The following MAPK14 variants were observed in gnomAD, a reference collection of about 807,000 sequenced individuals.
The protein encoded by MAPK14 is CSAID-binding protein.
In MAPK14, 16 loss-of-function variants were observed where a neutral mutation model predicts 49.6. The observed-to-expected ratio is 0.32, with a 90% CI of 0.22 to 0.49. The LOEUF (loss-of-function observed/expected upper bound fraction) is 0.49, where lower values mean the gene tolerates loss of function less well. Among genes scored for constraint, MAPK14 ranks in the 20% least tolerant of loss-of-function variants. The pLI, the probability that MAPK14 is intolerant of heterozygous loss-of-function variation, is 0.99. For synonymous variants in MAPK14, 142 were observed against 158.0 expected, an observed-to-expected ratio of 0.90 and a Z score of 0.76; for missense variants, 200 against 441.2, an observed-to-expected ratio of 0.45 and a Z score of 4.90.
At chr6:36,082,188 TC>T (rs1307289101) in intron 8 of MAPK14, among the ~76,000 whole-genome samples, 1 of 152,248 alleles carries the variant, frequency 6.6e-6, no homozygotes, top group Non-Finnish European at 1.5e-5. Context: ...TTTTATTTCT[TC>T]CTTTCCAATT....
intron 8 of MAPK14, among the ~76,000 whole-genome samples, chr6:36,094,432 A>C (rs1347657359): frequency 6.6e-6 from 1 of 152,174 alleles, no homozygotes; most frequent in Non-Finnish European, 1.5e-5. Flanking sequence ...TTCTAATAAA[A>C]CTTTATATAT....
At chr6:36,037,057 A>C (rs1482471597) in intron 1 of MAPK14, among the ~76,000 whole-genome samples, 1 of 152,154 alleles carries the variant, frequency 6.6e-6, no homozygotes, top group Admixed American at 6.5e-5. Context: ...AATATTTTTA[A>C]ATTAAGGTAT....
At chr6:36,111,503 A>T (rs895332094), downstream of MAPK14, among the ~76,000 whole-genome samples, 3 of 152,184 alleles carry the variant, frequency 2.0e-5, no homozygotes, top group African/African-American at 7.2e-5. Flanking sequence ...TTTGGTTTGT[A>T]TATATAGGTG....
At chr6:36,118,081 G>A in the MAPK14 span, among the ~76,000 whole-genome samples, 1 of 152,218 alleles carries the variant, frequency 6.6e-6, no homozygotes, top group Admixed American at 6.5e-5. Context: ...TCTCTTTGCT[G>A]TGTCTTGCTG....
the MAPK14 span, among the ~76,000 whole-genome samples, chr6:36,121,067 C>T: frequency 2.0e-5 from 3 of 152,062 alleles, no homozygotes; most frequent in Admixed American, 6.5e-5. Flanking sequence ...CCCCACCCCC[C>T]CTCCTTGGCA....
intron 10 of MAPK14, 68 bp downstream of exon 10, chr6:36,102,717 G>A (rs1275621932): frequency 6.2e-7 from 1 of 1,602,144 alleles, no homozygotes; most frequent in Non-Finnish European, 8.5e-7. Flanking sequence ...GGGATTTGAA[G>A]AAGAGTTTCT....
intron 8 of MAPK14, among the ~76,000 whole-genome samples, chr6:36,089,215 A>G (rs1215824649): frequency 6.6e-6 from 1 of 152,194 alleles, no homozygotes; most frequent in Non-Finnish European, 1.5e-5. Flanking sequence ...ATGGAATACT[A>G]TACACCCATA....
chr6:36,095,923 T>C (rs1765427059), intron 8 of MAPK14, 64 bp from the exon 9 acceptor site: 1 of 1,029,950 alleles, frequency 9.7e-7, no homozygotes, highest in East Asian at 2.4e-5. Context: ...TTTTGTTTTG[T>C]TTGTCATTGT....
chr6:36,061,596 C>T (rs1313094687), intron 3 of MAPK14, among the ~76,000 whole-genome samples: 1 of 152,210 alleles, frequency 6.6e-6, no homozygotes, highest in Non-Finnish European at 1.5e-5. Flanking sequence ...GGAAGCAAAT[C>T]TCATTACTAC....
intron 3 of MAPK14, among the ~76,000 whole-genome samples, chr6:36,069,391 A>G (rs978267689): frequency 1.3e-5 from 2 of 152,122 alleles, no homozygotes; most frequent in Non-Finnish European, 1.5e-5. Flanking sequence ...AAATCTTTCT[A>G]TATGGGAGTT....
chr6:36,073,921 T>C, intron 5 of MAPK14, 128 bp from the exon 6 acceptor site: 1 of 877,568 alleles, frequency 1.1e-6, no homozygotes, highest in South Asian at 1.5e-5. Context: ...ATATTGACTG[T>C]AGGATGGAGA....
intron 8 of MAPK14, chr6:36,076,973 G>T (rs1764555495): frequency 6.1e-6 from 1 of 164,316 alleles, no homozygotes; most frequent in Non-Finnish European, 1.3e-5. Flanking sequence ...AGCACAAGAT[G>T]CCCATTTATA....
At position 36,033,727 on chromosome 6, in the gene MAPK14, G is replaced by A. The variant is rs74885352; in HGVS notation, c.116+5454G>A. Among the ~76,000 whole-genome samples the A allele has an allele frequency of 5.9e-5, 9 of 152,314 alleles. No individual in the cohort carries two copies. The East Asian group carries it at 1.3e-3, about 23-fold the overall frequency. ...CTGCTTTTGATTTCTTTCTAGCCCA[G>A]TCTCAGAGATGATGTGTTGACTTTG... is the stretch of plus-strand genomic sequence containing the variant. On this transcript the variant is annotated intron_variant, in intron 1 of 11. Transcript: ENST00000229794.
In MAPK14 at chr6:36,107,496, A is replaced by G; in HGVS notation, c.883A>G (p.Lys295Glu). 1 of 1,589,250 alleles carries G rather than the reference A, an allele frequency of 6.3e-7. No individual in the cohort carries two copies. The highest frequency in any genetic ancestry group is 8.6e-7 in the Non-Finnish European group (1 of 1,168,408). The change falls in exon 11 of 12, where the codon AAG (lysine) becomes GAG (glutamate). Residue 295 changes from lysine to glutamate, a missense_variant. Physicochemically the swap from Lys to Glu is moderately conservative, Grantham distance 56. Coordinates refer to ENST00000229794, the MANE Select transcript of MAPK14 (RefSeq NM_139012.3). This position sits in a 1 kb window ranked among gnomAD's most constrained non-coding sequence, Gnocchi z 4.3. ...GAAGATGCTTGTATTGGACTCAGAT[A>G]AGAGAATTACAGCGGCCCAAGCCCT... ...LEKMLVLDSD[K>E]RITAAQALAH...
In MAPK14 at chr6:36,073,117, A is replaced by G. The variant is rs895164618; in HGVS notation, c.417+133A>G. On this transcript the variant is annotated intron_variant, in intron 4 of 11. Coordinates refer to ENST00000229794, the MANE Select transcript of MAPK14 (RefSeq NM_139012.3). Reference sequence around the variant, plus strand: ...ACATAAAATCACAGGTAAAGGTCATATAGTACAGTAAACTGCCATGTTCAC... The same window carrying G: ...ACATAAAATCACAGGTAAAGGTCATGTAGTACAGTAAACTGCCATGTTCAC... 9 of 675,676 alleles carry G rather than the reference A, an allele frequency of 1.3e-5. No homozygotes were observed. The Admixed American group carries it at 1.7e-4, about 13-fold the overall frequency. 41.9% of individuals were successfully genotyped at this position (675,676 alleles called of 1,614,324 possible).
chr6:36,105,665 G>A (rs568261417), intron 10 of MAPK14, among the ~76,000 whole-genome samples: 2 of 152,142 alleles, frequency 1.3e-5, no homozygotes, highest in African/African-American at 4.8e-5. Context: ...CTTTGTTTCT[G>A]TATCCCCTTG....
At chr6:36,078,678 G>A (rs914365398) in intron 8 of MAPK14, among the ~76,000 whole-genome samples, 3 of 152,168 alleles carry the variant, frequency 2.0e-5, no homozygotes, top group Non-Finnish European at 4.4e-5. Context: ...CAAAATTTTG[G>A]TTTTAGTTAT....
At chr6:36,112,527 T>C (rs1387165430), downstream of MAPK14, among the ~76,000 whole-genome samples, 10 of 152,382 alleles carry the variant, frequency 6.6e-5, 1 homozygote, top group South Asian at 2.1e-3. Context: ...GAAGTGAAAC[T>C]GATTTTGTAT....
At chr6:36,115,389 T>A (rs1489553351), downstream of MAPK14, among the ~76,000 whole-genome samples, 1 of 152,238 alleles carries the variant, frequency 6.6e-6, no homozygotes, top group Non-Finnish European at 1.5e-5. Flanking sequence ...ATAATACCTC[T>A]TTTATAATGC....
Sources: gnomAD v4.1 joint callset for allele counts (sites outside exome capture counted in the v4.1 genomes callset) on GRCh38, gnomAD v4.1.1 for gene constraint, Gnocchi (gnomAD v3.1) non-coding constraint, MANE v1.5 for transcripts, NCBI Gene and HGNC (gene_info 2026-07-23, HGNC 2026-07-21) for gene names.